SUPT6H: variants seen among roughly 807,000 people sequenced by gnomAD.
The protein encoded by SUPT6H is transcription elongation factor SPT6.
SUPT6H carries 11 observed loss-of-function variants against 222.3 expected under a neutral mutation model. The ratio of observed to expected loss-of-function variants is 0.05; its 90% confidence interval spans 0.03 to 0.08. SUPT6H has a LOEUF of 0.08. SUPT6H is among the 10% of genes least tolerant of loss of function. The pLI is 1.00. For missense variants in SUPT6H, 1,422 were observed against 2,216.0 expected, an observed-to-expected ratio of 0.64 and a Z score of 7.19; for synonymous variants, 762 against 801.2, an observed-to-expected ratio of 0.95 and a Z score of 0.83.
intron 33 of SUPT6H, 46 bp downstream of exon 33, chr17:28,699,939 C>T (rs1315663447): frequency 1.6e-5 from 25 of 1,568,870 alleles, no homozygotes; most frequent in South Asian, 4.4e-5. Flanking sequence ...TGGAGGAACA[C>T]CTAGGACCTG....
At position 28,701,106 on chromosome 17, in the gene SUPT6H, C is replaced by G. The variant is rs772337051; in HGVS notation, c.4972C>G (p.Arg1658Gly). 2 of 1,611,506 alleles carry G rather than the reference C, an allele frequency of 1.2e-6. No homozygotes were observed. Among genetic ancestry groups the G allele is most frequent in the African/African-American group, 2.7e-5 (2 of 74,914 alleles). Reference sequence around the variant, plus strand: ...CCAGCCCCAGCCCTCTTCCAGCTCCCGGCAACGGCAGCAGCAGCCAAAGTA... The same window carrying G: ...CCAGCCCCAGCCCTCTTCCAGCTCCGGGCAACGGCAGCAGCAGCCAAAGTA... ...QAQPQPSSSS[R>G]QRQQQPKSNS... The change falls in exon 36 of 37, where the codon CGG (arginine) becomes GGG (glycine). Residue 1658 changes from arginine to glycine, a missense_variant. Coordinates refer to ENST00000314616, the MANE Select transcript of SUPT6H (RefSeq NM_003170.5).
rs2031388469 is a variant in SUPT6H at position 28,686,515 on chromosome 17, G to GCCCATAACAGA, written c.2564+100_2564+101insCCCATAACAGA. 1.2e-5 allele frequency: 19 copies of GCCCATAACAGA among 1,530,860 alleles called. No homozygotes were observed. The Admixed American group carries it at 3.4e-4, about 27-fold the overall frequency. 94.8% of individuals were successfully genotyped at this position (1,530,860 alleles called of 1,614,324 possible). On this transcript the variant is annotated intron_variant, in intron 20 of 36. Transcript: ENST00000314616. ...CCCATAACAGATGGGGCTTGTGCTTGTGCAGGGAGTGTCCCTGGGGATGTT... is the reference window on the plus strand; with the variant it reads ...CCCATAACAGATGGGGCTTGTGCTTGCCCATAACAGATGCAGGGAGTGTCCCTGGGGATGTT...
At chr17:28,676,132 A>G in intron 6 of SUPT6H, 25 bp from the exon 7 acceptor site, 1 of 1,554,666 alleles carries the variant, frequency 6.4e-7, no homozygotes, top group Non-Finnish European at 8.7e-7. Flanking sequence ...AACCTGAGCC[A>G]CCTGCCTCTT....
chr17:28,696,836 C>T lies in SUPT6H; in HGVS notation c.3971-8C>T. ...ACCCAGTCTGTACTGCTTTTCTGCCCTTTTCAGCATACATCAAGAGAGTGA... is the reference window on the plus strand; with the variant it reads ...ACCCAGTCTGTACTGCTTTTCTGCCTTTTTCAGCATACATCAAGAGAGTGA... On this transcript the variant is annotated splice_polypyrimidine_tract_variant and splice_region_variant and intron_variant, in intron 29 of 36. Transcript: ENST00000314616. 6.2e-7 allele frequency: 1 copy of T among 1,613,648 alleles called. No individual in the cohort carries two copies. The highest frequency in any genetic ancestry group is 1.1e-5 in the South Asian group (1 of 91,022).
chr17:28,665,759 G>A (rs2029976153), intron 1 of SUPT6H, among the ~76,000 whole-genome samples: 1 of 151,926 alleles, frequency 6.6e-6, no homozygotes, highest in Non-Finnish European at 1.5e-5. Flanking sequence ...GCGAGACTCT[G>A]TCTCAAAAAA....
intron 35 of SUPT6H, 38 bp downstream of exon 35, chr17:28,700,550 G>T: frequency 6.2e-7 from 1 of 1,600,160 alleles, no homozygotes; most frequent in South Asian, 1.1e-5. Flanking sequence ...GTGCAGGGTG[G>T]GGCCCATAGA....
chr17:28,674,617 A>G lies in SUPT6H; in HGVS notation c.345+4A>G, dbSNP rs1280877804. On this transcript the variant is annotated splice_donor_region_variant and intron_variant, in intron 4 of 36. Coordinates refer to ENST00000314616, the MANE Select transcript of SUPT6H (RefSeq NM_003170.5). ...GGGTGTCAAAGTCAAAAGAGGAGTA[A>G]GTGTCATTCTTTGTCTTTTGTCCCT... The G allele has an allele frequency of 1.2e-5, 20 of 1,613,724 alleles. No individual in the cohort carries two copies. The highest frequency in any genetic ancestry group is 1.7e-5 in the Non-Finnish European group (20 of 1,179,730).
intron 1 of SUPT6H, among the ~76,000 whole-genome samples, chr17:28,663,928 T>C (rs2072118678): frequency 6.9e-6 from 1 of 145,554 alleles, no homozygotes; most frequent in South Asian, 2.2e-4. Flanking sequence ...ACTCCTGAGC[T>C]CAAGCAGTCC....
At chr17:28,686,497 C>G in intron 20 of SUPT6H, 82 bp downstream of exon 20, 1 of 1,551,016 alleles carries the variant, frequency 6.4e-7, no homozygotes, top group South Asian at 1.1e-5. Context: ...ATGCCCATAA[C>G]AGATGGGGCT....
At chr17:28,666,241 A>G (rs2030001412) in intron 1 of SUPT6H, among the ~76,000 whole-genome samples, 3 of 152,232 alleles carry the variant, frequency 2.0e-5, no homozygotes, top group Admixed American at 1.3e-4. Flanking sequence ...TGCTATTCTT[A>G]TCATCAATTC....
chr17:28,662,596 A>G (rs2072076983), intron 1 of SUPT6H, among the ~76,000 whole-genome samples: 1 of 152,136 alleles, frequency 6.6e-6, no homozygotes, highest in Non-Finnish European at 1.5e-5. Flanking sequence ...GCTTCCTGGC[A>G]TCCCGTCCTT....
chr17:28,686,198 G>A (rs901399747), intron 19 of SUPT6H, 141 bp from the exon 20 acceptor site: 19 of 726,342 alleles, frequency 2.6e-5, no homozygotes, highest in African/African-American at 3.6e-5. Flanking sequence ...GAAGAGGTGG[G>A]AATAGTTCCT....
chr17:28,701,186 A>T, intron 36 of SUPT6H, 58 bp downstream of exon 36: 3 of 1,540,852 alleles, frequency 1.9e-6, no homozygotes, highest in Non-Finnish European at 2.6e-6. Flanking sequence ...TGTTGTCAAG[A>T]GGCCGAAAGG....
In SUPT6H at chr17:28,693,704, C is replaced by A; in HGVS notation, c.3642C>A (p.Asn1214Lys). 1 of 1,614,224 alleles carries A rather than the reference C, an allele frequency of 6.2e-7. No homozygotes were observed. Among genetic ancestry groups the A allele is most frequent in the Non-Finnish European group, 8.5e-7 (1 of 1,180,036 alleles). ...CCTCATGCCCTCTTCAGGTGTGGAA[C>A]CACTTTGACAGCGGTTCGTGCCCAG... ...DNFPELSEVWNHFDSGSCPGQ... is the reference protein window; with the variant it reads ...DNFPELSEVWKHFDSGSCPGQ... Residue 1214 changes from asparagine (N) to lysine (K), a missense_variant, in exon 28 of 37, where the codon AAC (asparagine) becomes AAA (lysine). By Grantham distance (94) the Asn-to-Lys change is moderately conservative. Around this residue, in one of 13 missense-constraint regions of SUPT6H, gnomAD observed 39 missense variants for 124.2 expected, o/e 0.31. Coordinates refer to ENST00000314616, the MANE Select transcript of SUPT6H (RefSeq NM_003170.5).
At chr17:28,679,019 C>T in intron 11 of SUPT6H, 56 bp downstream of exon 11, 1 of 1,607,618 alleles carries the variant, frequency 6.2e-7, no homozygotes, top group Non-Finnish European at 8.5e-7. Context: ...CAAGGCTGGC[C>T]CTGCAGGAGC....
chr17:28,681,224 A>G (rs1205922498), intron 11 of SUPT6H, 32 bp from the exon 12 acceptor site: 2 of 1,612,466 alleles, frequency 1.2e-6, no homozygotes, highest in South Asian at 2.2e-5. Flanking sequence ...TTCTGCAGTG[A>G]TGACTGAAAC....
At position 28,695,606 on chromosome 17, in the gene SUPT6H, G is replaced by A. The variant is rs546521852; in HGVS notation, c.3970+59G>A. On this transcript the variant is annotated intron_variant, in intron 29 of 36. Coordinates refer to ENST00000314616, the MANE Select transcript of SUPT6H (RefSeq NM_003170.5). ...GCATCTTGGCAGTTCTCCCAGTGCA[G>A]GATTCAGGCCACAGGATGCACATGT... 5 of 1,543,374 alleles carry A rather than the reference G, an allele frequency of 3.2e-6. No individual in the cohort carries two copies. In the African/African-American group the frequency reaches 5.4e-5, roughly 17 times the overall value.
At chr17:28,692,726 G>C (rs2031724067) in intron 27 of SUPT6H, among the ~76,000 whole-genome samples, 1 of 148,140 alleles carries the variant, frequency 6.8e-6, no homozygotes, top group Non-Finnish European at 1.5e-5. Context: ...GCTTAACCGG[G>C]TGCAGTGGCT....
At chr17:28,699,688 G>C (rs1421194052) in intron 32 of SUPT6H, 93 bp from the exon 33 acceptor site, 3 of 1,037,454 alleles carry the variant, frequency 2.9e-6, no homozygotes, top group Non-Finnish European at 4.6e-6. Flanking sequence ...CTAGCACCCA[G>C]AATGGCTACT....
Sources: allele counts gnomAD v4.1 joint callset (sites outside exome capture counted in the v4.1 genomes callset), GRCh38; gene constraint gnomAD v4.1.1; regional missense constraint gnomAD v4.1.1; transcripts MANE v1.5; gene names NCBI Gene and HGNC (gene_info 2026-07-23, HGNC 2026-07-21).